The following PITPNC1 variants were observed in gnomAD, a reference collection of about 807,000 sequenced individuals.
PITPNC1 encodes the protein cytoplasmic phosphatidylinositol transfer protein 1.
A neutral mutation model predicts 44.7 loss-of-function variants in PITPNC1; 18 were observed. The ratio of observed to expected loss-of-function variants is 0.40; its 90% CI spans 0.28 to 0.60. The LOEUF is 0.60. PITPNC1 is among the 20% of genes least tolerant of loss of function. PITPNC1 has a pLI of 0.39. For missense variants in PITPNC1, 290 were observed against 418.4 expected (o/e 0.69, Z 2.68); for synonymous variants, 141 against 149.6 (o/e 0.94, Z 0.42).
intron 1 of PITPNC1, among the ~76,000 whole-genome samples, chr17:67,504,503 A>G (rs2040075502): frequency 1.3e-5 from 2 of 152,224 alleles, no homozygotes; most frequent in Non-Finnish European, 2.9e-5. Context: ...TGCTGTGAAA[A>G]GGTACACAGG....
chr17:67,401,723 A>G (rs2038315128), intron 1 of PITPNC1, among the ~76,000 whole-genome samples: 1 of 151,992 alleles, frequency 6.6e-6, no homozygotes, highest in East Asian at 1.9e-4. Flanking sequence ...GGGCGCCTGT[A>G]ATCCCAGATA....
chr17:67,632,569 C>CT (rs1246213208), intron 6 of PITPNC1: 20,753 of 146,472 alleles, frequency 0.14, 1,541 homozygotes, highest in Middle Eastern at 0.2. Flanking sequence ...TACATGCGCT[C>CT]TTTTTTTTTT....
At chr17:67,585,736 C>T (rs1041629519) in intron 5 of PITPNC1, among the ~76,000 whole-genome samples, 2 of 152,266 alleles carry the variant, frequency 1.3e-5, no homozygotes, top group African/African-American at 4.8e-5. Context: ...ACCCAGGAAG[C>T]AGAGGTTTCG....
intron 1 of PITPNC1, among the ~76,000 whole-genome samples, chr17:67,389,955 A>G (rs1046977893): frequency 2.0e-5 from 3 of 152,174 alleles, no homozygotes; most frequent in Non-Finnish European, 2.9e-5. Flanking sequence ...CTGGGATTAC[A>G]GACGCGAGCC....
intron 5 of PITPNC1, among the ~76,000 whole-genome samples, chr17:67,590,603 AT>A (rs747340324): frequency 6.6e-6 from 1 of 152,208 alleles, no homozygotes; most frequent in Non-Finnish European, 1.5e-5. Context: ...GGAACAGGAT[AT>A]TTACATGGAC....
intron 6 of PITPNC1, among the ~76,000 whole-genome samples, chr17:67,653,055 G>A (rs2042226392): frequency 6.6e-6 from 1 of 152,144 alleles, no homozygotes; most frequent in South Asian, 2.1e-4. Context: ...GTCAACGCAG[G>A]CGGATCTCTT....
rs146307322 is a variant in PITPNC1 at position 67,417,869 on chromosome 17, C to A, written c.48+39667C>A. 3.0e-4 allele frequency among the ~76,000 whole-genome samples: 46 copies of A among 151,678 alleles called. 1 individual carries two copies. In the East Asian group the frequency reaches 8.9e-3, roughly 29 times the overall value. ...ACCAGCATGGACAACATGGTGAGAC[C>A]CTGTCTCTACAAAAAATAAAAAAAA... On this transcript the variant is annotated intron_variant, in intron 1 of 8. Coordinates refer to ENST00000581322, the MANE Select transcript of PITPNC1 (RefSeq NM_012417.4).
At chr17:67,467,769 G>A (rs1028900346) in intron 1 of PITPNC1, among the ~76,000 whole-genome samples, 2 of 152,150 alleles carry the variant, frequency 1.3e-5, no homozygotes, top group Non-Finnish European at 2.9e-5. Flanking sequence ...CATCATCTAA[G>A]AATAAAACCC....
At chr17:67,640,098 C>T (rs1380091412) in intron 6 of PITPNC1, among the ~76,000 whole-genome samples, 1 of 151,510 alleles carries the variant, frequency 6.6e-6, no homozygotes, top group Non-Finnish European at 1.5e-5. Flanking sequence ...TTTCCCGTTT[C>T]CCTCAAGTCC....
At chr17:67,404,878 C>T (rs1181009315) in intron 1 of PITPNC1, among the ~76,000 whole-genome samples, 1 of 152,014 alleles carries the variant, frequency 6.6e-6, no homozygotes, top group African/African-American at 2.4e-5. Context: ...TTTTAACTCC[C>T]TATAGGAGCT....
At chr17:67,514,241 C>T (rs999412977) in intron 1 of PITPNC1, among the ~76,000 whole-genome samples, 9 of 151,958 alleles carry the variant, frequency 5.9e-5, no homozygotes, top group African/African-American at 1.4e-4. Context: ...GCTCTGTCTT[C>T]GAGGCTGGAT....
At chr17:67,540,493 G>A (rs2040591677) in intron 2 of PITPNC1, among the ~76,000 whole-genome samples, 1 of 152,154 alleles carries the variant, frequency 6.6e-6, no homozygotes, top group Non-Finnish European at 1.5e-5. Flanking sequence ...AAATTCAGAA[G>A]TGTACACCAA....
chr17:67,484,003 C>T (rs191908732), intron 1 of PITPNC1, among the ~76,000 whole-genome samples: 126 of 151,214 alleles, frequency 8.3e-4, no homozygotes, highest in Middle Eastern at 3.4e-3. Flanking sequence ...ACTGCAACCT[C>T]CACCTCCCAG....
chr17:67,692,186 T>G (rs1411883531), intron 8 of PITPNC1, among the ~76,000 whole-genome samples: 2 of 152,034 alleles, frequency 1.3e-5, no homozygotes, highest in African/African-American at 4.8e-5. Flanking sequence ...ACCAGTTAAT[T>G]ATAGCTCCAA....
intron 4 of PITPNC1, among the ~76,000 whole-genome samples, chr17:67,577,071 C>T (rs776692815): frequency 6.6e-5 from 10 of 152,080 alleles, no homozygotes; most frequent in Middle Eastern, 3.4e-3. Flanking sequence ...CGCATAAGGC[C>T]GGGAATTTGA....
chr17:67,607,492 C>T (rs561059377), intron 5 of PITPNC1, among the ~76,000 whole-genome samples: 4 of 152,330 alleles, frequency 2.6e-5, no homozygotes, highest in Admixed American at 2.6e-4. Context: ...TTGCTGCTTG[C>T]TCCAAACCAG....
At chr17:67,385,908 C>G (rs1373540999) in intron 1 of PITPNC1, among the ~76,000 whole-genome samples, 2 of 152,144 alleles carry the variant, frequency 1.3e-5, no homozygotes, top group Non-Finnish European at 2.9e-5. Context: ...TTCCCAGTGA[C>G]TTGGGTGGAA....
chr17:67,382,083 C>G (rs1055615062), intron 1 of PITPNC1, among the ~76,000 whole-genome samples: 29 of 152,194 alleles, frequency 1.9e-4, no homozygotes, highest in African/African-American at 6.5e-4. Flanking sequence ...CCTTACTCTG[C>G]TTTTTGCCTG....
chr17:67,602,754 G>C (rs536046489), intron 5 of PITPNC1, among the ~76,000 whole-genome samples: 1 of 152,034 alleles, frequency 6.6e-6, no homozygotes, highest in Admixed American at 6.6e-5. Context: ...TTGGTGGTTG[G>C]GGGGATGGAT....
Sources: gnomAD v4.1 joint callset for allele counts (sites outside exome capture counted in the v4.1 genomes callset) on GRCh38, gnomAD v4.1.1 for gene constraint, MANE v1.5 for transcripts, NCBI Gene and HGNC (gene_info 2026-07-23, HGNC 2026-07-21) for gene names.